GRP: variants seen among roughly 807,000 people sequenced by gnomAD.
The protein encoded by GRP is gastrin releasing peptide, also known as gastrin-releasing peptide.
In GRP, 11 loss-of-function variants were observed where a neutral mutation model predicts 12.7. That is an observed-to-expected ratio of 0.87 (90% CI 0.55 to 1.44). The LOEUF (loss-of-function observed/expected upper bound fraction) is 1.44, where lower values mean the gene tolerates loss of function less well. Among genes scored for constraint, GRP ranks in the 40% most tolerant of loss-of-function variants. The probability of loss-of-function intolerance (pLI) is 0.00; values close to 1 mark genes in which losing one functional copy is unlikely to be tolerated. For synonymous variants in GRP, 84 were observed against 77.7 expected (o/e 1.08, Z -0.43); for missense variants, 212 against 185.4 (o/e 1.14, Z -0.83).
intron 1 of GRP, among the ~76,000 whole-genome samples, chr18:59,222,026 G>A (rs1342195156): frequency 1.3e-5 from 2 of 152,168 alleles, no homozygotes; most frequent in Non-Finnish European, 2.9e-5. Flanking sequence ...TAGAATTGAT[G>A]CTTCTTAAAG....
intron 1 of GRP, among the ~76,000 whole-genome samples, chr18:59,224,725 C>G (rs1337931680): frequency 6.6e-6 from 1 of 152,214 alleles, no homozygotes; most frequent in Admixed American, 6.5e-5. Context: ...GCCTCCTTAA[C>G]AGCAGCTTTT....
chr18:59,227,874 T>A (rs764452695), intron 2 of GRP, among the ~76,000 whole-genome samples: 1 of 152,180 alleles, frequency 6.6e-6, no homozygotes, highest in Non-Finnish European at 1.5e-5. Context: ...CACAAAGGTG[T>A]CTGAGTAGCA....
chr18:59,227,184 C>A (rs1265404820), intron 2 of GRP, among the ~76,000 whole-genome samples: 2 of 151,574 alleles, frequency 1.3e-5, no homozygotes, highest in African/African-American at 2.4e-5. Context: ...GCCTTGGCCT[C>A]CCAAATGTGG....
Position 59,230,556 on chromosome 18 carries a change from T to A in GRP, c.*88T>A. On this transcript the variant is annotated 3_prime_UTR_variant, in exon 3 of 3. Transcript: ENST00000256857. ...CAGTTCTACGGATCATCAACAAGATTTCCTTGTGCAAAATATTTGACTATT... is the reference window on the plus strand; with the variant it reads ...CAGTTCTACGGATCATCAACAAGATATCCTTGTGCAAAATATTTGACTATT... The A allele has an allele frequency of 1.3e-6, 1 of 785,700 alleles. No homozygotes were observed. The highest frequency in any genetic ancestry group is 2.3e-6 in the Non-Finnish European group (1 of 437,718). The allele number at this position is 785,700 out of a possible 1,614,324, so 48.7% of individuals were successfully genotyped here.
At chr18:59,225,808 G>A (rs1306273835) in intron 2 of GRP, 74 bp downstream of exon 2, 9 of 1,395,484 alleles carry the variant, frequency 6.4e-6, no homozygotes, top group South Asian at 1.3e-5. Context: ...GTTCAAAGGA[G>A]GAAGAATAGA....
At chr18:59,220,094 A>G, upstream of GRP, 1 of 401,420 alleles carries the variant, frequency 2.5e-6, no homozygotes, top group Non-Finnish European at 4.4e-6. Flanking sequence ...GGTCCGCGAT[A>G]GAAGAGCCCC....
intron 2 of GRP, among the ~76,000 whole-genome samples, chr18:59,227,032 T>TCTTTCTTTCTTC (rs1491161975): frequency 1.4e-5 from 2 of 141,350 alleles, no homozygotes; most frequent in Non-Finnish European, 3.1e-5. Flanking sequence ...TTTCTTTCTT[T>TCTTTCTTTCTTC]CTTTCTTTCT....
chr18:59,221,224 C>G (rs1766207279), intron 1 of GRP, among the ~76,000 whole-genome samples: 1 of 152,252 alleles, frequency 6.6e-6, no homozygotes, highest in South Asian at 2.1e-4. Flanking sequence ...AGGTCCTGCT[C>G]TCTAGGCACC....
At chr18:59,220,752 C>T (rs902518057) in intron 1 of GRP, among the ~76,000 whole-genome samples, 2 of 152,212 alleles carry the variant, frequency 1.3e-5, no homozygotes, top group Admixed American at 6.5e-5. Context: ...TCCGCCTAGT[C>T]TCAACCTGTC....
At position 59,220,359 on chromosome 18, in the gene GRP, A is replaced by T; in HGVS notation, c.94A>T (p.Thr32Ser). The T allele has an allele frequency of 6.8e-7, 1 of 1,461,272 alleles. No individual in the cohort carries two copies. Among genetic ancestry groups the T allele is most frequent in the Non-Finnish European group, 9.0e-7 (1 of 1,109,672 alleles). 90.5% of individuals were successfully genotyped at this position (1,461,272 alleles called of 1,614,324 possible). Residue 32 changes from threonine to serine, a missense_variant, in exon 1 of 3, where the codon ACC becomes TCC. Transcript: ENST00000256857. ...GGTCCCGCTGCCTGCGGGCGGAGGG[A>T]CCGTGCTGACCAAGATGTACCCGCG... ...RAVPLPAGGGTVLTKMYPRGN... is the reference protein window; with the variant it reads ...RAVPLPAGGGSVLTKMYPRGN...
intron 1 of GRP, among the ~76,000 whole-genome samples, chr18:59,222,814 A>G (rs188433742): frequency 1.3e-5 from 2 of 152,250 alleles, no homozygotes; most frequent in African/African-American, 2.4e-5. Flanking sequence ...AAACTTAACA[A>G]ATTTTTATCT....
At chr18:59,221,554 TAA>T (rs1173333070) in intron 1 of GRP, among the ~76,000 whole-genome samples, 1 of 151,874 alleles carries the variant, frequency 6.6e-6, no homozygotes, top group Non-Finnish European at 1.5e-5. Flanking sequence ...TGAAGAGATT[TAA>T]GAGTGTGTAT....
At chr18:59,228,737 T>C (rs1174418025) in intron 2 of GRP, among the ~76,000 whole-genome samples, 1 of 152,176 alleles carries the variant, frequency 6.6e-6, no homozygotes, top group Non-Finnish European at 1.5e-5. Context: ...TCCCCCATGG[T>C]TTCTGCAACA....
At chr18:59,220,723 C>T (rs369191892) in intron 1 of GRP, among the ~76,000 whole-genome samples, 252 of 152,172 alleles carry the variant, frequency 1.7e-3, no homozygotes, top group African/African-American at 5.5e-3. Flanking sequence ...CCTCTGCGCC[C>T]ATCCTACATC....
chr18:59,227,561 A>T (rs1230754660), intron 2 of GRP, among the ~76,000 whole-genome samples: 1 of 152,212 alleles, frequency 6.6e-6, no homozygotes, highest in Non-Finnish European at 1.5e-5. Flanking sequence ...CTGAACAGTA[A>T]TAAAAATTGC....
intron 2 of GRP, among the ~76,000 whole-genome samples, chr18:59,226,985 TTTTCTTCC>T (rs1194647219): frequency 3.5e-4 from 42 of 119,812 alleles, no homozygotes; most frequent in East Asian, 1.1e-3. Flanking sequence ...ATGTGGTTTC[TTTTCTTCC>T]TTTCTTTCTT....
chr18:59,229,939 G>A (rs2070004124), intron 2 of GRP, among the ~76,000 whole-genome samples: 1 of 152,154 alleles, frequency 6.6e-6, no homozygotes, highest in Non-Finnish European at 1.5e-5. Flanking sequence ...GCTTTGACTT[G>A]TGTAACGATG....
At chr18:59,225,879 G>T in intron 2 of GRP, 145 bp downstream of exon 2, 1 of 646,886 alleles carries the variant, frequency 1.5e-6, no homozygotes. Context: ...TAAGCACATT[G>T]ACAGACAATT....
chr18:59,225,172 A>C (rs1270530854), intron 1 of GRP, among the ~76,000 whole-genome samples: 1 of 152,114 alleles, frequency 6.6e-6, no homozygotes, highest in Non-Finnish European at 1.5e-5. Flanking sequence ...TACCCTGTTC[A>C]TTTTATAGTT....
Sources: gnomAD v4.1 joint callset for allele counts (sites outside exome capture counted in the v4.1 genomes callset) on GRCh38, gnomAD v4.1.1 for gene constraint, MANE v1.5 for transcripts, NCBI Gene and HGNC (gene_info 2026-07-23, HGNC 2026-07-21) for gene names.